The following TET1 variants were observed in gnomAD, a reference collection of about 807,000 sequenced individuals.
The protein encoded by TET1 is tet methylcytosine dioxygenase 1, also known as methylcytosine dioxygenase TET1.
In TET1, 13 loss-of-function variants were observed where a neutral mutation model predicts 148.7. The ratio of observed to expected loss-of-function variants is 0.09; its 90% CI spans 0.06 to 0.14. TET1 has a LOEUF of 0.14. Ranked by LOEUF, TET1 falls within the 10% of genes least tolerant of loss-of-function variation. The probability of loss-of-function intolerance (pLI) is 1.00; values close to 1 mark genes in which losing one functional copy is unlikely to be tolerated. For synonymous variants in TET1, 907 were observed against 937.2 expected (o/e 0.97, Z 0.59); for missense variants, 2,182 against 2,553.8 (o/e 0.85, Z 3.14).
intron 8 of TET1, among the ~76,000 whole-genome samples, chr10:68,676,258 ATATATATATATTTTTT>A (rs1324570214): frequency 1.2e-3 from 43 of 35,990 alleles, no homozygotes; most frequent in South Asian, 4.0e-3. Context: ...ATATATATAT[ATATATATATATTTTTT>A]TTTTTTTTTT....
rs1006133489 is a variant in TET1, at chr10:68,568,379, C to T, written c.-122-3838C>T. Among the ~76,000 whole-genome samples, 9 of 152,068 alleles carry T rather than the reference C, an allele frequency of 5.9e-5. No individual in the cohort carries two copies. In the Middle Eastern group the frequency reaches 0.014, roughly 230 times the overall value. On this transcript the variant is annotated intron_variant, in intron 1 of 11. Coordinates refer to ENST00000373644, the MANE Select transcript of TET1 (RefSeq NM_030625.3). ...CTGGGATTACAGGCGCCCACCACCA[C>T]GCCCAGCTACTTTTTGTATTTTTAG...
At chr10:68,597,030 A>ATTGTGTTTTTTTTTTTT (rs2053996196) in intron 2 of TET1, among the ~76,000 whole-genome samples, 1 of 98,894 alleles carries the variant, frequency 1.0e-5, no homozygotes, top group African/African-American at 4.4e-5. Flanking sequence ...CAGCTAATGG[A>ATTGTGTTTTTTTTTTTT]TTTTTTTTTT....
chr10:68,642,051 A>G (rs144327901), intron 3 of TET1, among the ~76,000 whole-genome samples: 1 of 152,348 alleles, frequency 6.6e-6, no homozygotes, highest in East Asian at 1.9e-4. Flanking sequence ...TCAAATGTGT[A>G]TACACTGTGT....
chr10:68,579,080 A>G (rs997703627), intron 2 of TET1, among the ~76,000 whole-genome samples: 1 of 152,212 alleles, frequency 6.6e-6, no homozygotes, highest in Non-Finnish European at 1.5e-5. Context: ...CACGTCACAC[A>G]TGTGGGAATA....
Position 68,661,196 on chromosome 10 carries a change from ATTTTTTTT to A in TET1, c.4462-5831_4462-5824del, listed in dbSNP as rs974912892. Among the ~76,000 whole-genome samples, 12 of 78,614 alleles carry A rather than the reference ATTTTTTTT, an allele frequency of 1.5e-4. No homozygotes were observed. In the South Asian group the frequency reaches 4.9e-3, roughly 32 times the overall value. The allele number at this position is 78,614 out of a possible 152,430, so 51.6% of individuals were successfully genotyped here. A position where few individuals can be genotyped will look rare whatever the true frequency, so the allele number is the denominator to read the frequency against. On this transcript the variant is annotated intron_variant, in intron 6 of 11. Transcript: ENST00000373644. The stretch of plus-strand genomic sequence containing the variant: ...AGGCGCCTGCCACTGCGCCTGGCTA[ATTTTTTTT>A]TTTTTTTTTTTTTTTTTGTAGTTTT...
intron 1 of TET1, among the ~76,000 whole-genome samples, chr10:68,564,137 A>G (rs938226794): frequency 3.3e-5 from 5 of 151,698 alleles, no homozygotes; most frequent in African/African-American, 1.2e-4. Context: ...TTTTAGGGGG[A>G]AAAATGTTCT....
Position 68,691,027 on chromosome 10 carries a change from G to A in TET1, c.5624G>A (p.Arg1875Lys). 3.7e-6 allele frequency: 6 copies of A among 1,614,158 alleles called. No individual in the cohort carries two copies. The highest frequency in any genetic ancestry group is 5.1e-6 in the Non-Finnish European group (6 of 1,180,000). Residue 1875 changes from arginine to lysine, a missense_variant, in exon 12 of 12, where the codon AGA becomes AAA. Physicochemically the swap from Arg to Lys is conservative, Grantham distance 26. This residue lies in a region of TET1 where 380 missense variants were observed against 387.9 expected (regional missense o/e 0.98). Coordinates refer to ENST00000373644, the MANE Select transcript of TET1 (RefSeq NM_030625.3). The surrounding 1 kb of genome is among the most constrained non-coding windows in gnomAD (Gnocchi z 4.4). The part of the protein sequence containing the change: ...DATASCGFSE[R>K]SSTPHCTMPS... ...ACAGCCTCATGCGGGTTTTCAGAAA[G>A]AAGCAGCACTCCCCACTGTACGATG...
At chr10:68,676,153 C>T (rs2055345866) in intron 8 of TET1, among the ~76,000 whole-genome samples, 2 of 79,312 alleles carry the variant, frequency 2.5e-5, no homozygotes, top group African/African-American at 9.6e-5. Flanking sequence ...CAGCACCTGG[C>T]CTTTTGTGTG....
At position 68,681,494 on chromosome 10, in the gene TET1, T is replaced by C. The variant is rs377688387; in HGVS notation, c.4914+6T>C. On this transcript the variant is annotated splice_donor_region_variant and intron_variant, in intron 9 of 11. Coordinates refer to ENST00000373644, the MANE Select transcript of TET1 (RefSeq NM_030625.3). ...CAGTAGCTTACCAAAATCAGGTATG[T>C]ATTGGTATGAACTTTTTATTTATTT... 8 of 1,595,294 alleles carry C rather than the reference T, an allele frequency of 5.0e-6. No individual in the cohort carries two copies. Among genetic ancestry groups the C allele is most frequent in the Non-Finnish European group, 4.3e-6 (5 of 1,164,298 alleles).
At chr10:68,612,093 CTT>C (rs1178340147) in intron 3 of TET1, among the ~76,000 whole-genome samples, 2 of 142,176 alleles carry the variant, frequency 1.4e-5, no homozygotes. Context: ...TTGTTGTTTT[CTT>C]TTTTTTTTTT....
intron 4 of TET1, 82 bp from the exon 5 acceptor site, chr10:68,651,764 A>C: frequency 1.0e-6 from 1 of 999,608 alleles, no homozygotes. Context: ...TTGAGGGGGA[A>C]CAAAAAGTAT....
intron 2 of TET1, among the ~76,000 whole-genome samples, chr10:68,593,658 CTGG>C (rs2053945219): frequency 6.6e-6 from 1 of 151,870 alleles, no homozygotes; most frequent in Non-Finnish European, 1.5e-5. Flanking sequence ...GTTGCACAGG[CTGG>C]AGAGCAAATG....
intron 11 of TET1, among the ~76,000 whole-genome samples, chr10:68,689,924 A>G (rs993762236): frequency 1.3e-5 from 2 of 152,216 alleles, no homozygotes; most frequent in African/African-American, 2.4e-5. Flanking sequence ...TGAGAAGGAA[A>G]CTAAGCTGAA....
intron 6 of TET1, 151 bp from the exon 7 acceptor site, chr10:68,666,893 TG>T (rs2055202181): frequency 1.4e-6 from 1 of 704,846 alleles, no homozygotes; most frequent in Non-Finnish European, 2.3e-6. Context: ...AGACCAGCCT[TG>T]GTAACATAGT....
Position 68,645,622 on chromosome 10 carries a change from T to G in TET1, c.2893T>G (p.Cys965Gly), listed in dbSNP as rs1322597846. 6.2e-7 allele frequency: 1 copy of G among 1,614,202 alleles called. No individual in the cohort carries two copies. The highest frequency in any genetic ancestry group is 8.5e-7 in the Non-Finnish European group (1 of 1,180,036). ...HCPSLEKQSS[C>G]NTVVFNGQTT... ...TCCATCTTTGGAAAAACAAAGTTCATGCAACACGGTGGTTTTCAATGGGCA... is the reference window on the plus strand; with the variant it reads ...TCCATCTTTGGAAAAACAAAGTTCAGGCAACACGGTGGTTTTCAATGGGCA... Residue 965 changes from cysteine (C) to glycine (G), a missense_variant, in exon 4 of 12, where the codon TGC becomes GGC. This residue lies in a region of TET1 where 582 missense variants were observed against 599.5 expected (regional missense o/e 0.97). Coordinates refer to ENST00000373644, the MANE Select transcript of TET1 (RefSeq NM_030625.3).
rs74143101 is a variant in TET1, at chr10:68,654,829, A to G, written c.4461+2235A>G. ...AGTGGTGCTTCTGACATAGGCTCCT[A>G]TGAGGATGCAATCATCTGAAAACTT... On this transcript the variant is annotated intron_variant, in intron 6 of 11. Coordinates refer to ENST00000373644, the MANE Select transcript of TET1 (RefSeq NM_030625.3). Among the ~76,000 whole-genome samples the G allele has an allele frequency of 2.0e-3, 306 of 152,260 alleles. 3 individuals carry two copies. The highest frequency in any genetic ancestry group is 7.0e-3 in the African/African-American group (290 of 41,552).
At chr10:68,663,516 T>C (rs1417569851) in intron 6 of TET1, among the ~76,000 whole-genome samples, 1 of 152,194 alleles carries the variant, frequency 6.6e-6, no homozygotes, top group Non-Finnish European at 1.5e-5. Context: ...TGTGATTCTC[T>C]TGAAAAATAT....
intron 2 of TET1, among the ~76,000 whole-genome samples, chr10:68,575,154 C>A (rs992248333): frequency 1.3e-5 from 2 of 152,126 alleles, no homozygotes; most frequent in African/African-American, 4.8e-5. Context: ...AAGGCCGAGG[C>A]GGGCAGATCA....
chr10:68,599,577 G>A (rs1182120673), intron 2 of TET1, among the ~76,000 whole-genome samples: 2 of 152,256 alleles, frequency 1.3e-5, no homozygotes, highest in African/African-American at 4.8e-5. Context: ...CGTGGGGGCA[G>A]TCCAGGTGTG....
Sources: gnomAD v4.1 joint callset for allele counts (sites outside exome capture counted in the v4.1 genomes callset) on GRCh38, gnomAD v4.1.1 for gene constraint, gnomAD v4.1.1 regional missense constraint, Gnocchi (gnomAD v3.1) non-coding constraint, MANE v1.5 for transcripts, NCBI Gene and HGNC (gene_info 2026-07-23, HGNC 2026-07-21) for gene names.